SNTG1: variants seen among roughly 807,000 people sequenced by gnomAD.
SNTG1 encodes the protein gamma-1-syntrophin.
A neutral mutation model predicts 74.7 loss-of-function variants in SNTG1; 39 were observed. The observed-to-expected ratio is 0.52, with a 90% CI of 0.40 to 0.68. SNTG1 has a LOEUF of 0.68. SNTG1 is among the 30% of genes least tolerant of loss of function. The pLI is 0.00. For missense variants in SNTG1, 685 were observed against 609.5 expected (o/e 1.12, Z -1.30); for synonymous variants, 254 against 217.1 (o/e 1.17, Z -1.49).
At chr8:49,994,454 G>A (rs1177440307) in intron 1 of SNTG1, among the ~76,000 whole-genome samples, 9 of 147,214 alleles carry the variant, frequency 6.1e-5, no homozygotes, top group African/African-American at 1.7e-4. Flanking sequence ...TAGTAGAGAC[G>A]GGGTTTCACC....
At chr8:50,266,215 A>G (rs7000297) in intron 2 of SNTG1, among the ~76,000 whole-genome samples, 135,486 of 152,106 alleles carry the variant, frequency 0.89, 61,909 homozygotes, top group East Asian at 1. Flanking sequence ...AGCAAGAAGT[A>G]TAAGACTGGT....
chr8:50,150,520 G>T lies in SNTG1; in HGVS notation c.-102-22041G>T, dbSNP rs1293806830. On this transcript the variant is annotated intron_variant, in intron 1 of 18. Coordinates refer to ENST00000642720, the MANE Select transcript of SNTG1 (RefSeq NM_018967.5). ...GTTTTTGCCCTTTCAGTATGATATT[G>T]GCTGTGGGTTTGTCATAAATAGCTC... 5.3e-5 allele frequency among the ~76,000 whole-genome samples: 8 copies of T among 152,102 alleles called. No individual in the cohort carries two copies. The South Asian group carries it at 6.2e-4, about 12-fold the overall frequency.
At chr8:50,392,067 A>T (rs2092669808) in intron 2 of SNTG1, among the ~76,000 whole-genome samples, 1 of 152,202 alleles carries the variant, frequency 6.6e-6, no homozygotes, top group Non-Finnish European at 1.5e-5. Context: ...AACTGAAAAC[A>T]GACAGTAAGG....
chr8:50,725,591 C>T (rs533987445), intron 17 of SNTG1, among the ~76,000 whole-genome samples: 3 of 152,104 alleles, frequency 2.0e-5, no homozygotes, highest in African/African-American at 4.8e-5. Context: ...ATTTTAAGTA[C>T]GTGACACCTC....
chr8:50,451,214 AAAT>A (rs1298715480), intron 8 of SNTG1, among the ~76,000 whole-genome samples: 10 of 152,200 alleles, frequency 6.6e-5, no homozygotes, highest in Admixed American at 1.3e-4. Flanking sequence ...ATAATACAAA[AAAT>A]AATGACTATT....
rs558254044 is a variant in SNTG1, at chr8:50,330,690, C to T, written c.-27-63522C>T. On this transcript the variant is annotated intron_variant, in intron 2 of 18. Transcript: ENST00000642720. The stretch of plus-strand genomic sequence containing the variant: ...AAAGGAAAGAGGTTTCATTGACTCA[C>T]AGTTCCACATGGCTGGGGAGGCCTC... Among the ~76,000 whole-genome samples, 4 of 152,308 alleles carry T rather than the reference C, an allele frequency of 2.6e-5. No individual in the cohort carries two copies. In the South Asian group the frequency reaches 8.3e-4, roughly 32 times the overall value.
intron 1 of SNTG1, among the ~76,000 whole-genome samples, chr8:50,023,448 T>C (rs937174462): frequency 6.6e-6 from 1 of 152,174 alleles, no homozygotes; most frequent in African/African-American, 2.4e-5. Context: ...AATGGCATTA[T>C]TTTATTGATA....
intron 9 of SNTG1, among the ~76,000 whole-genome samples, chr8:50,508,860 T>C (rs898747638): frequency 2.6e-5 from 4 of 152,192 alleles, no homozygotes; most frequent in African/African-American, 9.6e-5. Flanking sequence ...TTTTCTCCCC[T>C]TCTGTAGGCT....
In SNTG1 at chr8:50,123,026, G is replaced by A. The variant is rs866043858; in HGVS notation, c.-102-49535G>A. 1.9e-4 allele frequency among the ~76,000 whole-genome samples: 27 copies of A among 142,526 alleles called. 2 individuals are homozygous for A. The highest frequency in any genetic ancestry group is 6.8e-4 in the African/African-American group (27 of 39,420). The allele number at this position is 142,526 out of a possible 152,430, so 93.5% of individuals were successfully genotyped here. A position where few individuals can be genotyped will look rare whatever the true frequency, so the allele number is the denominator to read the frequency against. The stretch of plus-strand genomic sequence containing the variant: ...ACTGTGACAGATTCAGAAACTAAGC[G>A]GAAGCCCGTGGCAGACCAGGTCATC... On this transcript the variant is annotated intron_variant, in intron 1 of 18. Coordinates refer to ENST00000642720, the MANE Select transcript of SNTG1 (RefSeq NM_018967.5).
intron 2 of SNTG1, among the ~76,000 whole-genome samples, chr8:50,185,214 A>G (rs1793140537): frequency 6.6e-6 from 1 of 152,096 alleles, no homozygotes; most frequent in Non-Finnish European, 1.5e-5. Flanking sequence ...TGCTCTCATG[A>G]TAATGACTGA....
chr8:50,175,000 A>G (rs968618750), intron 2 of SNTG1, among the ~76,000 whole-genome samples: 1 of 151,702 alleles, frequency 6.6e-6, no homozygotes, highest in Non-Finnish European at 1.5e-5. Flanking sequence ...GCTGAGAATG[A>G]TGGTTTCCAT....
At chr8:50,007,808 T>C (rs1815384845) in intron 1 of SNTG1, among the ~76,000 whole-genome samples, 1 of 152,054 alleles carries the variant, frequency 6.6e-6, no homozygotes, top group Non-Finnish European at 1.5e-5. Flanking sequence ...TGAGATTGGG[T>C]AATTTATTTA....
At chr8:50,156,243 A>G (rs2082250916) in intron 1 of SNTG1, among the ~76,000 whole-genome samples, 1 of 152,144 alleles carries the variant, frequency 6.6e-6, no homozygotes, top group African/African-American at 2.4e-5. Flanking sequence ...TTCAAAAAAT[A>G]CAAGGAGAGG....
chr8:50,626,975 C>T (rs1372613746), intron 13 of SNTG1, among the ~76,000 whole-genome samples: 1 of 152,132 alleles, frequency 6.6e-6, no homozygotes, highest in South Asian at 2.1e-4. Context: ...TATGTCATTA[C>T]AATCCCTATT....
At chr8:50,442,007 C>T (rs2093362042) in intron 5 of SNTG1, among the ~76,000 whole-genome samples, 1 of 152,088 alleles carries the variant, frequency 6.6e-6, no homozygotes, top group Non-Finnish European at 1.5e-5. Flanking sequence ...AAAAGTAAAG[C>T]CCGAAATGAC....
chr8:50,231,089 G>A (rs1184008271), intron 2 of SNTG1, among the ~76,000 whole-genome samples: 1 of 151,142 alleles, frequency 6.6e-6, no homozygotes, highest in Non-Finnish European at 1.5e-5. Flanking sequence ...CAAGGAAACT[G>A]AATTTCTCCA....
At chr8:50,423,648 T>C (rs1265560205) in intron 4 of SNTG1, among the ~76,000 whole-genome samples, 1 of 152,186 alleles carries the variant, frequency 6.6e-6, no homozygotes, top group African/African-American at 2.4e-5. Flanking sequence ...TCAAGCCAAC[T>C]ATGAAGAAGG....
intron 2 of SNTG1, among the ~76,000 whole-genome samples, chr8:50,345,281 C>T (rs1231529763): frequency 6.6e-6 from 1 of 152,182 alleles, no homozygotes; most frequent in Admixed American, 6.5e-5. Context: ...GCTGGAGACT[C>T]ACAGCAATTA....
intron 8 of SNTG1, among the ~76,000 whole-genome samples, chr8:50,479,043 A>G (rs1480104252): frequency 1.3e-5 from 2 of 152,188 alleles, no homozygotes; most frequent in Non-Finnish European, 2.9e-5. Context: ...GATTATTACT[A>G]TTATTTCATA....
Sources: allele counts gnomAD v4.1 joint callset (sites outside exome capture counted in the v4.1 genomes callset), GRCh38; gene constraint gnomAD v4.1.1; transcripts MANE v1.5; gene names NCBI Gene and HGNC (gene_info 2026-07-23, HGNC 2026-07-21).